The following CETN3 variants were observed in gnomAD, a reference collection of about 807,000 sequenced individuals.
CETN3 encodes the protein centrin 3, also known as centrin-3.
Under a neutral mutation model 20.1 loss-of-function variants are expected in CETN3, and 17 were observed. That is an observed-to-expected ratio of 0.85 (90% CI 0.58 to 1.27). CETN3 has a LOEUF of 1.27. CETN3 is among the 50% of genes most tolerant of loss of function. The pLI is 0.00. For missense variants in CETN3, 169 were observed against 191.2 expected (o/e 0.88, Z 0.69); for synonymous variants, 52 against 59.7 (o/e 0.87, Z 0.59).
In CETN3 at chr5:90,399,390, A is replaced by G. The variant is rs1749220829; in HGVS notation, c.428T>C (p.Ile143Thr). 4 of 1,614,034 alleles carry G rather than the reference A, an allele frequency of 2.5e-6. No individual in the cohort carries two copies. The highest frequency in any genetic ancestry group is 1.7e-6 in the Non-Finnish European group (2 of 1,179,968). ...NMSDEELRAM[I>T]EEFDKDGDGE... is the part of the protein sequence containing the mutation. ...ATCACCATCTTTGTCAAATTCTTCT[A>G]TCATAGCTCGAAGTTCTTCATCACT... The change falls in exon 4 of 5, where the codon ATA becomes ACA. Residue 143 changes from isoleucine (I) to threonine (T), a missense_variant. Coordinates refer to ENST00000283122, the MANE Select transcript of CETN3 (RefSeq NM_004365.4).
At chr5:90,395,036 T>A (rs1302296277) in intron 4 of CETN3, among the ~76,000 whole-genome samples, 1 of 152,118 alleles carries the variant, frequency 6.6e-6, no homozygotes, top group East Asian at 1.9e-4. Context: ...AAAAGAAAAC[T>A]ACACTGAGAC....
chr5:90,396,265 C>G, intron 4 of CETN3: 4 of 985,030 alleles, frequency 4.1e-6, no homozygotes, highest in Non-Finnish European at 4.8e-6. Context: ...GCCATGCAAT[C>G]AGTATTTAAC....
At chr5:90,402,709 AAAG>A (rs1297134794) in intron 3 of CETN3, among the ~76,000 whole-genome samples, 1 of 152,198 alleles carries the variant, frequency 6.6e-6, no homozygotes, top group African/African-American at 2.4e-5. Flanking sequence ...AAGCTGCATA[AAAG>A]AAGGGGTGTG....
chr5:90,392,812 T>A lies in CETN3; in HGVS notation c.*1252A>T, dbSNP rs895157990. On this transcript the variant is annotated 3_prime_UTR_variant, in exon 5 of 5. Coordinates refer to ENST00000283122, the MANE Select transcript of CETN3 (RefSeq NM_004365.4). ...AATGACTTAATATACACTTGCTTCC[T>A]AGATAACTGTTTGAAATGTCACTAC... 1 of 152,238 alleles carries A rather than the reference T, an allele frequency of 6.6e-6. No homozygotes were observed. Among genetic ancestry groups the A allele is most frequent in the African/African-American group, 2.4e-5 (1 of 41,468 alleles). 9.4% of individuals were successfully genotyped at this position (152,238 alleles called of 1,614,324 possible). A position where few individuals can be genotyped will look rare whatever the true frequency, so the allele number is the denominator to read the frequency against.
At chr5:90,394,522 T>C (rs1239555807) in intron 4 of CETN3, among the ~76,000 whole-genome samples, 1 of 151,960 alleles carries the variant, frequency 6.6e-6, no homozygotes, top group Middle Eastern at 3.3e-3. Context: ...AGCTTGAACA[T>C]ATCATGCATG....
chr5:90,397,200 A>G (rs2151881940), intron 4 of CETN3, among the ~76,000 whole-genome samples: 1 of 152,246 alleles, frequency 6.6e-6, no homozygotes, highest in South Asian at 2.1e-4. Flanking sequence ...TAAAAATTAG[A>G]AAGTGGCTCA....
intron 3 of CETN3, among the ~76,000 whole-genome samples, chr5:90,403,662 G>A (rs1324102406): frequency 1.3e-5 from 2 of 151,574 alleles, no homozygotes; most frequent in Non-Finnish European, 1.5e-5. Flanking sequence ...ACGAGGTCAG[G>A]AGATCGAGAC....
chr5:90,394,909 G>A (rs75248391), intron 4 of CETN3, among the ~76,000 whole-genome samples: 1,526 of 152,110 alleles, frequency 0.01, 27 homozygotes, highest in African/African-American at 0.036. Flanking sequence ...ATATGCGCAC[G>A]TATCAATTAA....
At chr5:90,409,506 G>C (rs990786873) in intron 1 of CETN3, 139 bp downstream of exon 1, 2 of 947,994 alleles carry the variant, frequency 2.1e-6, no homozygotes, top group African/African-American at 3.2e-5. Context: ...GATCCGGGCA[G>C]GCTGCCCTAG....
chr5:90,403,598 G>A (rs1225790815), intron 3 of CETN3, among the ~76,000 whole-genome samples: 1 of 152,056 alleles, frequency 6.6e-6, no homozygotes, highest in African/African-American at 2.4e-5. Context: ...TTGGCCGGGC[G>A]CGGTGGCTCA....
In CETN3 at chr5:90,399,426, C is replaced by T; in HGVS notation, c.392G>A (p.Gly131Asp). The change falls in exon 4 of 5, where the codon GGT becomes GAT. Residue 131 changes from glycine (G) to aspartate (D), a missense_variant. Coordinates refer to ENST00000283122, the MANE Select transcript of CETN3 (RefSeq NM_004365.4). Reference protein sequence around the residue: ...RNLRRVARELGENMSDEELRA... With the variant: ...RNLRRVARELDENMSDEELRA... ...AAGTTCTTCATCACTCATGTTTTCA[C>T]CCAATTCTCTAGCAACACGTCGCAA... The T allele has an allele frequency of 1.2e-6, 2 of 1,614,052 alleles. No individual in the cohort carries two copies. The highest frequency in any genetic ancestry group is 1.1e-5 in the South Asian group (1 of 91,074).
At chr5:90,396,167 A>G in intron 4 of CETN3, 6 of 985,166 alleles carry the variant, frequency 6.1e-6, no homozygotes, top group South Asian at 4.7e-5. Flanking sequence ...TCAGAAATAC[A>G]GTCAAAGAAA....
chr5:90,405,580 T>A (rs545497111), intron 3 of CETN3, 105 bp downstream of exon 3: 1 of 747,406 alleles, frequency 1.3e-6, no homozygotes, highest in Non-Finnish European at 2.3e-6. Context: ...ACACCAGTGT[T>A]CTATAAGAAA....
intron 3 of CETN3, among the ~76,000 whole-genome samples, chr5:90,404,995 T>C (rs142490818): frequency 6.6e-6 from 1 of 152,204 alleles, no homozygotes; most frequent in Non-Finnish European, 1.5e-5. Context: ...AAGCCTGGTC[T>C]ATATATGCTA....
At position 90,407,558 on chromosome 5, in the gene CETN3, T is replaced by G. The variant is rs137936244; in HGVS notation, c.153+141A>C. 1.0e-4 allele frequency: 49 copies of G among 485,598 alleles called. 1 individual carries two copies. Among genetic ancestry groups the G allele is most frequent in the African/African-American group, 9.6e-4 (48 of 50,074 alleles). The allele number at this position is 485,598 out of a possible 1,614,324, so 30.1% of individuals were successfully genotyped here. On this transcript the variant is annotated intron_variant, in intron 2 of 4. Coordinates refer to ENST00000283122, the MANE Select transcript of CETN3 (RefSeq NM_004365.4). ...AGTTCTCTTCAGTTTTATTACAGCA[T>G]CTAACTATGAATGCTTAAAATGCCT...
chr5:90,401,744 A>G (rs948014320), intron 3 of CETN3, among the ~76,000 whole-genome samples: 2 of 152,220 alleles, frequency 1.3e-5, no homozygotes, highest in Admixed American at 6.5e-5. Flanking sequence ...CAACCAAAAG[A>G]TAACAGCAAC....
intron 4 of CETN3, among the ~76,000 whole-genome samples, chr5:90,398,288 A>T (rs1349187533): frequency 6.6e-6 from 1 of 152,208 alleles, no homozygotes; most frequent in African/African-American, 2.4e-5. Flanking sequence ...TTAGCAGTTT[A>T]ACATACAAAT....
At chr5:90,399,215 T>C (rs1749215054) in intron 4 of CETN3, 143 bp downstream of exon 4, 2 of 675,354 alleles carry the variant, frequency 3.0e-6, no homozygotes, top group Non-Finnish European at 2.5e-6. Context: ...CTAAATTGAA[T>C]ATGTGAATTA....
intron 4 of CETN3, chr5:90,396,565 C>T (rs975892828): frequency 6.5e-7 from 1 of 1,529,246 alleles, no homozygotes; most frequent in African/African-American, 1.4e-5. Flanking sequence ...TTCTTAAGAA[C>T]TGTATTAAGA....
Sources: gnomAD v4.1 joint callset for allele counts (sites outside exome capture counted in the v4.1 genomes callset) on GRCh38, gnomAD v4.1.1 for gene constraint, MANE v1.5 for transcripts, NCBI Gene and HGNC (gene_info 2026-07-23, HGNC 2026-07-21) for gene names.